TSPAN15: variants seen among roughly 807,000 people sequenced by gnomAD.
TSPAN15 encodes tetraspanin-15.
Under a neutral mutation model 34.5 loss-of-function variants are expected in TSPAN15, and 20 were observed. The observed-to-expected ratio is 0.58, with a 90% CI of 0.41 to 0.84. The LOEUF is 0.84. TSPAN15 is among the 40% of genes least tolerant of loss of function. The probability of loss-of-function intolerance (pLI) is 0.00; values close to 1 mark genes in which losing one functional copy is unlikely to be tolerated. For missense variants in TSPAN15, 313 were observed against 386.1 expected (o/e 0.81, Z 1.59); for synonymous variants, 155 against 153.9 (o/e 1.01, Z -0.05).
intron 1 of TSPAN15, among the ~76,000 whole-genome samples, chr10:69,482,972 T>G (rs79550006): frequency 0.072 from 7,949 of 110,668 alleles, 252 homozygotes; most frequent in Non-Finnish European, 0.082. Context: ...TTGATTTTTT[T>G]TTTTTGTTGT....
At chr10:69,464,646 A>G (rs993592439) in intron 1 of TSPAN15, among the ~76,000 whole-genome samples, 1 of 152,232 alleles carries the variant, frequency 6.6e-6, no homozygotes, top group African/African-American at 2.4e-5. Flanking sequence ...GCTTCAGAAC[A>G]GGAGCGTCAC....
Position 69,506,210 on chromosome 10 carries a change from G to C in TSPAN15, c.705G>C (p.Ala235=). Residue 235 remains alanine, a synonymous_variant, in exon 7 of 8, where the codon GCG becomes GCC. Transcript: ENST00000373290. This position sits in a 1 kb window ranked among gnomAD's most constrained non-coding sequence, Gnocchi z 4.7. ...IWFMDNYTIM[A]GILLGILLPQ... Reference sequence around the variant, plus strand: ...TCATGGACAACTACACCATCATGGCGGGCATCCTCCTGGGCATCCTGCTTC... The same window carrying C: ...TCATGGACAACTACACCATCATGGCCGGCATCCTCCTGGGCATCCTGCTTC... 1.2e-6 allele frequency: 2 copies of C among 1,614,150 alleles called. No homozygotes were observed. Among genetic ancestry groups the C allele is most frequent in the Non-Finnish European group, 1.7e-6 (2 of 1,180,022 alleles).
At chr10:69,463,145 G>C (rs1348017595) in intron 1 of TSPAN15, among the ~76,000 whole-genome samples, 1 of 152,234 alleles carries the variant, frequency 6.6e-6, no homozygotes, top group Admixed American at 6.5e-5. Flanking sequence ...TTTGTAAATA[G>C]AATAAGTTTC....
chr10:69,524,681 T>C, the TSPAN15 span, among the ~76,000 whole-genome samples: 8,478 of 144,914 alleles, frequency 0.059, 918 homozygotes, highest in Non-Finnish European at 0.083. Context: ...GTGGGTGATC[T>C]AAACATAAAT....
intron 1 of TSPAN15, among the ~76,000 whole-genome samples, chr10:69,456,091 C>CT (rs34066900): frequency 7.8e-4 from 114 of 145,248 alleles, no homozygotes; most frequent in Admixed American, 1.2e-3. Flanking sequence ...AATTTACTTA[C>CT]TTTTTTTTTT....
At chr10:69,459,929 C>T (rs951563381) in intron 1 of TSPAN15, among the ~76,000 whole-genome samples, 9 of 134,694 alleles carry the variant, frequency 6.7e-5, no homozygotes, top group Non-Finnish European at 1.2e-4. Flanking sequence ...CACCCCCCCC[C>T]CACGAATGGA....
intron 1 of TSPAN15, among the ~76,000 whole-genome samples, chr10:69,473,724 C>T (rs1343209079): frequency 6.6e-6 from 1 of 152,104 alleles, no homozygotes; most frequent in East Asian, 1.9e-4. Flanking sequence ...ATGTGGCCAG[C>T]CGCCCAGTGC....
chr10:69,521,677 T>G, the TSPAN15 span, among the ~76,000 whole-genome samples: 1 of 147,732 alleles, frequency 6.8e-6, no homozygotes, highest in Non-Finnish European at 1.5e-5. Flanking sequence ...AGCTGAGACA[T>G]CATCTTTTTC....
chr10:69,548,359 T>G, the TSPAN15 span, among the ~76,000 whole-genome samples: 2 of 152,270 alleles, frequency 1.3e-5, no homozygotes, highest in African/African-American at 4.8e-5. Context: ...GAACATTTCC[T>G]TACTCCTGAT....
chr10:69,483,975 C>T, intron 2 of TSPAN15, 99 bp downstream of exon 2: 1 of 1,314,968 alleles, frequency 7.6e-7, no homozygotes, highest in Non-Finnish European at 1.0e-6. Context: ...GTCCCTGCCT[C>T]AAACCACCTC....
At chr10:69,489,667 T>C (rs1418074283) in intron 3 of TSPAN15, among the ~76,000 whole-genome samples, 4 of 152,184 alleles carry the variant, frequency 2.6e-5, no homozygotes, top group Admixed American at 1.3e-4. Context: ...AACAGACTCC[T>C]GGATATAAGG....
chr10:69,545,212 A>C, the TSPAN15 span, among the ~76,000 whole-genome samples: 1 of 152,118 alleles, frequency 6.6e-6, no homozygotes, highest in Non-Finnish European at 1.5e-5. Context: ...GCCAAGTGGG[A>C]AGGCTGAGGG....
At chr10:69,483,216 C>T (rs1166345422) in intron 1 of TSPAN15, among the ~76,000 whole-genome samples, 1 of 152,142 alleles carries the variant, frequency 6.6e-6, no homozygotes, top group Non-Finnish European at 1.5e-5. Flanking sequence ...TCTCGATCTC[C>T]TGGCCTCGTG....
intron 1 of TSPAN15, among the ~76,000 whole-genome samples, chr10:69,467,869 C>T (rs775784998): frequency 2.9e-4 from 39 of 136,288 alleles, no homozygotes; most frequent in African/African-American, 8.9e-4. Flanking sequence ...TTATACATTG[C>T]GTTGGGTTTC....
At chr10:69,510,706 G>T (rs1192426911), downstream of TSPAN15, among the ~76,000 whole-genome samples, 1 of 152,210 alleles carries the variant, frequency 6.6e-6, no homozygotes, top group East Asian at 1.9e-4. Flanking sequence ...GATATTGGCT[G>T]TGGGTTTGTC....
chr10:69,532,407 CA>C, the TSPAN15 span, among the ~76,000 whole-genome samples: 2 of 152,126 alleles, frequency 1.3e-5, no homozygotes, highest in Admixed American at 1.3e-4. Context: ...TTCAACAAAG[CA>C]AACAAAAACA....
chr10:69,497,849 G>C (rs1207060639), intron 4 of TSPAN15, among the ~76,000 whole-genome samples: 1 of 152,188 alleles, frequency 6.6e-6, no homozygotes, highest in Non-Finnish European at 1.5e-5. Context: ...GAGCTGGACG[G>C]GGTGGCTCCT....
chr10:69,536,991 A>AC, the TSPAN15 span, among the ~76,000 whole-genome samples: 1 of 151,948 alleles, frequency 6.6e-6, no homozygotes, highest in South Asian at 2.1e-4. Context: ...TCTTGAAAAA[A>AC]AAAAAAAAAA....
intron 5 of TSPAN15, among the ~76,000 whole-genome samples, chr10:69,502,659 G>C (rs531652606): frequency 6.0e-4 from 92 of 152,198 alleles, no homozygotes; most frequent in African/African-American, 2.1e-3. Flanking sequence ...CTTTACTTTT[G>C]GAAAGACTAT....
Sources: allele counts gnomAD v4.1 joint callset (sites outside exome capture counted in the v4.1 genomes callset), GRCh38; gene constraint gnomAD v4.1.1; non-coding constraint Gnocchi (gnomAD v3.1); transcripts MANE v1.5; gene names NCBI Gene and HGNC (gene_info 2026-07-23, HGNC 2026-07-21).